The following TRAPPC9 variants were observed in gnomAD, a reference collection of about 807,000 sequenced individuals.
TRAPPC9 encodes the protein trafficking protein particle complex subunit 9.
A neutral mutation model predicts 124.0 loss-of-function variants in TRAPPC9; 83 were observed. The ratio of observed to expected loss-of-function variants is 0.67; its 90% confidence interval spans 0.56 to 0.80. The LOEUF is 0.80. Ranked by LOEUF, TRAPPC9 falls within the 30% of genes least tolerant of loss-of-function variation. The pLI is 0.00. For synonymous variants in TRAPPC9, 638 were observed against 617.5 expected, an observed-to-expected ratio of 1.03 and a Z score of -0.49; for missense variants, 1,302 against 1,508.3, an observed-to-expected ratio of 0.86 and a Z score of 2.27.
chr8:140,146,563 T>TA (rs1483616538), intron 17 of TRAPPC9, among the ~76,000 whole-genome samples: 11 of 151,986 alleles, frequency 7.2e-5, no homozygotes, highest in South Asian at 4.2e-4. Context: ...CTCCATTTTT[T>TA]AAAAAAAACA....
At chr8:139,965,189 T>C (rs897772619) in intron 19 of TRAPPC9, among the ~76,000 whole-genome samples, 2 of 152,206 alleles carry the variant, frequency 1.3e-5, no homozygotes, top group African/African-American at 4.8e-5. Context: ...CTGCAGGCCC[T>C]CAGCCCCTAG....
intron 12 of TRAPPC9, among the ~76,000 whole-genome samples, chr8:140,289,174 AGTGTGTGTGTGTGTGTGTGT>A (rs71320349): frequency 1.1e-4 from 17 of 148,428 alleles, no homozygotes; most frequent in South Asian, 6.5e-4. Flanking sequence ...ATATATATAT[AGTGTGTGTGTGTGTGTGTGT>A]GTGTGTGTGT....
At chr8:139,992,963 T>C (rs748634026) in intron 18 of TRAPPC9, among the ~76,000 whole-genome samples, 12 of 152,004 alleles carry the variant, frequency 7.9e-5, no homozygotes, top group Non-Finnish European at 1.5e-4. Flanking sequence ...AGACAAAATA[T>C]AGATGAACAG....
chr8:140,250,633 G>A (rs1189055482), intron 16 of TRAPPC9, among the ~76,000 whole-genome samples: 1 of 152,142 alleles, frequency 6.6e-6, no homozygotes, highest in East Asian at 1.9e-4. Flanking sequence ...AGCTCTGGGT[G>A]GTTCTTCGTG....
At chr8:140,451,838 T>C (rs1221759374) in intron 1 of TRAPPC9, among the ~76,000 whole-genome samples, 1 of 152,118 alleles carries the variant, frequency 6.6e-6, no homozygotes, top group Non-Finnish European at 1.5e-5. Context: ...GAACTTGTCT[T>C]GGCCGGGCAT....
chr8:140,350,515 C>G (rs1392159486), intron 9 of TRAPPC9, among the ~76,000 whole-genome samples: 1 of 152,192 alleles, frequency 6.6e-6, no homozygotes, highest in African/African-American at 2.4e-5. Context: ...TTTCTTCACA[C>G]CTACTGTGTT....
At chr8:140,139,548 A>T (rs2061352705) in intron 17 of TRAPPC9, among the ~76,000 whole-genome samples, 1 of 152,250 alleles carries the variant, frequency 6.6e-6, no homozygotes, top group Admixed American at 6.5e-5. Context: ...CATCAACAGC[A>T]GAATGAATCC....
At chr8:139,911,999 G>A (rs1332943911) in intron 19 of TRAPPC9, among the ~76,000 whole-genome samples, 1 of 152,156 alleles carries the variant, frequency 6.6e-6, no homozygotes, top group Non-Finnish European at 1.5e-5. Context: ...CTCCCCGCAA[G>A]CAGAGGACAG....
chr8:140,316,200 A>G (rs1445391076), intron 9 of TRAPPC9, among the ~76,000 whole-genome samples: 1 of 152,168 alleles, frequency 6.6e-6, no homozygotes, highest in Non-Finnish European at 1.5e-5. Flanking sequence ...AGGAATATCA[A>G]GCAGAATGGG....
At position 140,189,310 on chromosome 8, in the gene TRAPPC9, G is replaced by C. The variant is rs190832564; in HGVS notation, c.2556+32149C>G. Among the ~76,000 whole-genome samples, 247 of 152,256 alleles carry C rather than the reference G, an allele frequency of 1.6e-3. 1 individual carries two copies. The highest frequency in any genetic ancestry group is 5.7e-3 in the African/African-American group (235 of 41,546). ...GGCCACAGAAGTGACCGCCCTAAAA[G>C]ATCAGATACACAACTCCTTGCCTTA... On this transcript the variant is annotated intron_variant, in intron 17 of 22. Coordinates refer to ENST00000438773, the MANE Select transcript of TRAPPC9 (RefSeq NM_001160372.4).
At chr8:139,856,178 G>A (rs1265707431) in intron 21 of TRAPPC9, among the ~76,000 whole-genome samples, 1 of 152,168 alleles carries the variant, frequency 6.6e-6, no homozygotes, top group Non-Finnish European at 1.5e-5. Context: ...CTCAGCCAGG[G>A]CCCCTCAGAT....
At chr8:139,732,354 T>A (rs1392789522) in intron 21 of TRAPPC9, 152 bp from the exon 22 acceptor site, 2 of 731,010 alleles carry the variant, frequency 2.7e-6, no homozygotes, top group Non-Finnish European at 4.4e-6. Flanking sequence ...GGGACACAGA[T>A]GTGTGACCAG....
chr8:140,323,445 G>C (rs1037407470), intron 9 of TRAPPC9, among the ~76,000 whole-genome samples: 1 of 152,102 alleles, frequency 6.6e-6, no homozygotes, highest in Non-Finnish European at 1.5e-5. Context: ...GCCCTCTAAG[G>C]GTATCTGAAA....
chr8:140,396,610 C>A (rs1015824959), intron 7 of TRAPPC9, among the ~76,000 whole-genome samples: 1 of 151,360 alleles, frequency 6.6e-6, no homozygotes, highest in Non-Finnish European at 1.5e-5. Context: ...CCACCGCCAT[C>A]TCTGACTTTA....
At chr8:139,812,059 A>G (rs1824481089) in intron 21 of TRAPPC9, among the ~76,000 whole-genome samples, 1 of 152,224 alleles carries the variant, frequency 6.6e-6, no homozygotes, top group African/African-American at 2.4e-5. Flanking sequence ...GCAGGACATG[A>G]GAACGCTGGA....
chr8:140,229,905 A>G (rs569852470), intron 16 of TRAPPC9, among the ~76,000 whole-genome samples: 11 of 152,316 alleles, frequency 7.2e-5, no homozygotes, highest in African/African-American at 2.6e-4. Context: ...TCTAAAACGT[A>G]CAAAGCAACA....
intron 21 of TRAPPC9, among the ~76,000 whole-genome samples, chr8:139,765,711 G>A (rs1820540949): frequency 6.6e-6 from 1 of 152,196 alleles, no homozygotes; most frequent in East Asian, 1.9e-4. Context: ...GGAGGTGAGG[G>A]TCTGGGGGCA....
At position 139,884,496 on chromosome 8, in the gene TRAPPC9, C is replaced by A. The variant is rs563002663; in HGVS notation, c.3055+1383G>T. On this transcript the variant is annotated intron_variant, in intron 21 of 22. Coordinates refer to ENST00000438773, the MANE Select transcript of TRAPPC9 (RefSeq NM_001160372.4). ...GTGGCCCTCCCTTCGCTCATTTGCC[C>A]CATGAAAGTCCTGCATAGCTACCTG... 5.3e-5 allele frequency among the ~76,000 whole-genome samples: 8 copies of A among 152,282 alleles called. No homozygotes were observed. In the South Asian group the frequency reaches 1.7e-3, roughly 32 times the overall value.
intron 15 of TRAPPC9, 105 bp downstream of exon 15, chr8:140,275,553 C>T (rs2065085424): frequency 7.6e-7 from 1 of 1,311,666 alleles, no homozygotes; most frequent in African/African-American, 1.5e-5. Flanking sequence ...CAACTGAATC[C>T]ACAAAGAAGT....
Sources: allele counts gnomAD v4.1 joint callset (sites outside exome capture counted in the v4.1 genomes callset), GRCh38; gene constraint gnomAD v4.1.1; transcripts MANE v1.5; gene names NCBI Gene and HGNC (gene_info 2026-07-23, HGNC 2026-07-21).